The following NEBL variants were observed in gnomAD, a reference collection of about 807,000 sequenced individuals.
NEBL encodes LIM and SH3 protein 2.
A neutral mutation model predicts 140.2 loss-of-function variants in NEBL; 122 were observed. The observed-to-expected ratio is 0.87, with a 90% CI of 0.75 to 1.01. The LOEUF is 1.01. Among genes scored for constraint, NEBL ranks in the 50% least tolerant of loss-of-function variants. The probability of loss-of-function intolerance (pLI) is 0.00; values close to 1 mark genes in which losing one functional copy is unlikely to be tolerated. For synonymous variants in NEBL, 436 were observed against 398.9 expected, an observed-to-expected ratio of 1.09 and a Z score of -1.11; for missense variants, 1,365 against 1,231.3, an observed-to-expected ratio of 1.11 and a Z score of -1.62.
chr10:20,952,547 A>T (rs1265656463), intron 4 of NEBL, among the ~76,000 whole-genome samples: 1 of 151,938 alleles, frequency 6.6e-6, no homozygotes, highest in Non-Finnish European at 1.5e-5. Context: ...TTTAAAACTG[A>T]ATGTAGAAGT....
intron 2 of NEBL, among the ~76,000 whole-genome samples, chr10:21,061,887 G>A (rs931082422): frequency 6.6e-6 from 1 of 152,152 alleles, no homozygotes; most frequent in Non-Finnish European, 1.5e-5. Context: ...ACAATAATTT[G>A]TACATTGCTG....
At chr10:20,983,059 G>A (rs56409914) in intron 3 of NEBL, among the ~76,000 whole-genome samples, 2,148 of 152,320 alleles carry the variant, frequency 0.014, 52 homozygotes, top group African/African-American at 0.048. Flanking sequence ...CTTGGGAACC[G>A]AAGAGGGGAG....
In NEBL at chr10:21,134,585, C is replaced by T. The variant is rs1483128252; in HGVS notation, c.164+37798G>A. On this transcript the variant is annotated intron_variant, in intron 2 of 6. Transcript: ENST00000417816. Reference sequence around the variant, plus strand: ...TTTACACGGTCGATCCCTAATTTTCCGGATTTGGACAAGTTTCCATTCAAA... The same window carrying T: ...TTTACACGGTCGATCCCTAATTTTCTGGATTTGGACAAGTTTCCATTCAAA... Among the ~76,000 whole-genome samples the T allele has an allele frequency of 5.9e-5, 9 of 152,256 alleles. No individual in the cohort carries two copies. In the South Asian group the frequency reaches 1.0e-3, roughly 18 times the overall value.
chr10:20,872,112 A>G (rs1845004406), intron 5 of NEBL, among the ~76,000 whole-genome samples: 1 of 152,204 alleles, frequency 6.6e-6, no homozygotes, highest in South Asian at 2.1e-4. Context: ...CCTTTCAGAA[A>G]TCTAAGCTTT....
intron 1 of NEBL, among the ~76,000 whole-genome samples, chr10:21,254,832 C>T (rs924263267): frequency 6.6e-5 from 10 of 152,148 alleles, no homozygotes; most frequent in Non-Finnish European, 1.3e-4. Flanking sequence ...CCCATGACTG[C>T]CTGACCCTGG....
chr10:20,859,811 T>C lies in NEBL; in HGVS notation c.700A>G (p.Lys234Glu), dbSNP rs568662113. ...TTATCCTTCATTTCATTATCAAATT[T>C]TTCTTTGTATTTAATCTGTCATAAA... is the stretch of plus-strand genomic sequence containing the variant. ...KLSSQIKYKEKFDNEMKDKKH... is the reference protein window; with the variant it reads ...KLSSQIKYKEEFDNEMKDKKH... The change falls in exon 8 of 28, where the codon AAA (lysine) becomes GAA (glutamate). Residue 234 changes from lysine to glutamate, a missense_variant. By Grantham distance (56) the Lys-to-Glu change is moderately conservative. Transcript: ENST00000377122. 1.9e-5 allele frequency: 28 copies of C among 1,501,302 alleles called. No individual in the cohort carries two copies. In the South Asian group the frequency reaches 2.1e-4, roughly 11 times the overall value. 93.0% of individuals were successfully genotyped at this position (1,501,302 alleles called of 1,614,324 possible).
chr10:20,799,653 T>C (rs1198886536), intron 26 of NEBL, among the ~76,000 whole-genome samples: 2 of 152,198 alleles, frequency 1.3e-5, no homozygotes, highest in Non-Finnish European at 1.5e-5. Context: ...ATGCACATTC[T>C]TTACAGAAGT....
At chr10:20,936,022 G>A (rs1315741677) in intron 4 of NEBL, among the ~76,000 whole-genome samples, 2 of 152,096 alleles carry the variant, frequency 1.3e-5, no homozygotes, top group African/African-American at 4.8e-5. Context: ...TGTTGCAAAT[G>A]GCAATAAATT....
intron 2 of NEBL, chr10:21,113,086 A>C (rs1483680954): frequency 4.4e-6 from 1 of 229,520 alleles, no homozygotes; most frequent in Non-Finnish European, 8.4e-6. Context: ...GAGAAGGAGA[A>C]TAAGAATAAG....
intron 2 of NEBL, among the ~76,000 whole-genome samples, chr10:21,145,952 G>A (rs922503897): frequency 6.6e-6 from 1 of 152,146 alleles, no homozygotes; most frequent in Non-Finnish European, 1.5e-5. Flanking sequence ...CAACAGGTCT[G>A]AAAGGAGGTC....
intron 2 of NEBL, among the ~76,000 whole-genome samples, chr10:21,133,106 A>G (rs1408995902): frequency 6.6e-6 from 1 of 152,166 alleles, no homozygotes; most frequent in East Asian, 1.9e-4. Context: ...TAGCTTTCAC[A>G]TTTAAGTCTT....
At position 21,112,300 on chromosome 10, in the gene NEBL, T is replaced by C. The variant is rs549777475; in HGVS notation, c.164+60083A>G. ...AAAGACACATGCACACATATGTTTATTGCAGCACTATTTACAATAGCAAAG... is the reference window on the plus strand; with the variant it reads ...AAAGACACATGCACACATATGTTTACTGCAGCACTATTTACAATAGCAAAG... On this transcript the variant is annotated intron_variant, in intron 2 of 6. Transcript: ENST00000417816. Among the ~76,000 whole-genome samples, 80 of 152,276 alleles carry C rather than the reference T, an allele frequency of 5.3e-4. No individual in the cohort carries two copies. In the East Asian group the frequency reaches 0.014, roughly 26 times the overall value.
Position 20,826,438 on chromosome 10 carries a change from A to G in NEBL, c.1869+9T>C, listed in dbSNP as rs1020856953. ...TTAGAAAAGATAATTAATGCTGTAG[A>G]GAACTTACTGAACTAATATTCTGCT... On this transcript the variant is annotated intron_variant, in intron 18 of 27. Coordinates refer to ENST00000377122, the MANE Select transcript of NEBL (RefSeq NM_006393.3). 8 of 1,595,388 alleles carry G rather than the reference A, an allele frequency of 5.0e-6. No individual in the cohort carries two copies. Among genetic ancestry groups the G allele is most frequent in the Non-Finnish European group, 6.9e-6 (8 of 1,163,292 alleles).
chr10:21,020,162 T>A lies in NEBL; in HGVS notation c.204A>T (p.Thr68=), dbSNP rs563150056. 179 of 1,614,132 alleles carry A rather than the reference T, an allele frequency of 1.1e-4. No homozygotes were observed. Among genetic ancestry groups the A allele is most frequent in the Non-Finnish European group, 1.4e-4 (166 of 1,179,994 alleles). ...GCTGCTTCAGGCGAAGATTTTCAGG[T>A]GTATCTGCCACCGTGGTGAAGGACT... Residue 68 remains threonine, a synonymous_variant, in exon 3 of 7, where the codon ACA becomes ACT. Transcript: ENST00000417816.
chr10:21,215,687 G>T (rs1199709726), intron 3 of NEBL, among the ~76,000 whole-genome samples: 1 of 152,092 alleles, frequency 6.6e-6, no homozygotes, highest in Non-Finnish European at 1.5e-5. Context: ...TTGAGACAGG[G>T]TCTTACTCTG....
intron 5 of NEBL, among the ~76,000 whole-genome samples, chr10:20,875,984 G>A (rs1400277142): frequency 6.6e-6 from 1 of 152,178 alleles, no homozygotes; most frequent in African/African-American, 2.4e-5. Flanking sequence ...TCTCACATTA[G>A]AGAAGCCCTC....
chr10:20,894,315 A>G (rs1847261557), intron 2 of NEBL, among the ~76,000 whole-genome samples: 1 of 152,040 alleles, frequency 6.6e-6, no homozygotes, highest in Non-Finnish European at 1.5e-5. Flanking sequence ...ACGAAAAAGA[A>G]AATGAAAATT....
intron 2 of NEBL, among the ~76,000 whole-genome samples, chr10:21,097,643 C>T (rs963723878): frequency 3.9e-5 from 6 of 152,118 alleles, no homozygotes; most frequent in African/African-American, 1.4e-4. Flanking sequence ...AACAGGTTTC[C>T]ATGGCAAGCT....
At chr10:21,142,205 G>A (rs1030942913) in intron 2 of NEBL, among the ~76,000 whole-genome samples, 52 of 152,088 alleles carry the variant, frequency 3.4e-4, no homozygotes, top group African/African-American at 1.2e-3. Context: ...CTTAAAATAT[G>A]CCAGCCTTTC....
Sources: allele counts gnomAD v4.1 joint callset (sites outside exome capture counted in the v4.1 genomes callset), GRCh38; gene constraint gnomAD v4.1.1; transcripts MANE v1.5; gene names NCBI Gene and HGNC (gene_info 2026-07-23, HGNC 2026-07-21).